The following LMF1 variants were observed in gnomAD, a reference collection of about 807,000 sequenced individuals.
LMF1 encodes the protein lipase maturation factor 1, also known as transmembrane protein 112.
LMF1 carries 68 observed loss-of-function variants against 60.6 expected under a neutral mutation model. That is an observed-to-expected ratio of 1.12 (90% CI 0.92 to 1.37). The LOEUF (loss-of-function observed/expected upper bound fraction) is 1.37. Among genes scored for constraint, LMF1 ranks in the 40% most tolerant of loss-of-function variants. LMF1 has a pLI of 0.00. For synonymous variants in LMF1, 418 were observed against 324.7 expected (o/e 1.29, Z -3.09); for missense variants, 948 against 767.2 (o/e 1.24, Z -2.78).
At chr16:858,842 TGTGAGTGGTGTCA>T (rs2069310328) in intron 10 of LMF1, among the ~76,000 whole-genome samples, 2 of 74,882 alleles carry the variant, frequency 2.7e-5, no homozygotes, top group Non-Finnish European at 2.4e-5. Context: ...ACGGGACGGG[TGTGAGTGGTGTCA>T]CGGGACGGGT....
In LMF1 at chr16:897,267, C is replaced by T. The variant is rs781655320; in HGVS notation, c.664-4195G>A. Among the ~76,000 whole-genome samples the T allele has an allele frequency of 1.3e-5, 2 of 152,208 alleles. No individual in the cohort carries two copies. The highest frequency in any genetic ancestry group is 1.9e-4 in the East Asian group (1 of 5,196). On this transcript the variant is annotated intron_variant, in intron 4 of 10. Transcript: ENST00000262301. This position sits in a 1 kb window ranked among gnomAD's most constrained non-coding sequence, Gnocchi z 4.3. ...AGAAGGAGACACTCTGTGGAGACCCCGCTTCTCTCACTTGGCCCCCAGAGG... is the reference window on the plus strand; with the variant it reads ...AGAAGGAGACACTCTGTGGAGACCCTGCTTCTCTCACTTGGCCCCCAGAGG...
In LMF1 at chr16:886,074, G is replaced by A. The variant is rs527662475; in HGVS notation, c.730-6337C>T. 2.3e-4 allele frequency among the ~76,000 whole-genome samples: 35 copies of A among 152,342 alleles called. 1 individual carries two copies. In the South Asian group the frequency reaches 6.4e-3, roughly 28 times the overall value. ...TCTGGAAAATCCCCGTCTCTTTGGA[G>A]CCTTTAAGGAACTTTCATTCCAGTG... On this transcript the variant is annotated intron_variant, in intron 5 of 10. Transcript: ENST00000262301.
chr16:973,484 C>T (rs980228156), upstream of LMF1, among the ~76,000 whole-genome samples: 2 of 152,180 alleles, frequency 1.3e-5, no homozygotes, highest in Non-Finnish European at 2.9e-5. Context: ...ATGAAATGTC[C>T]GGGGTGGGCA....
At chr16:898,464 A>G (rs536605822) in intron 4 of LMF1, among the ~76,000 whole-genome samples, 1 of 152,272 alleles carries the variant, frequency 6.6e-6, no homozygotes, top group Non-Finnish European at 1.5e-5. Flanking sequence ...GTCTGAAAAC[A>G]CCTGAACTGC....
intron 1 of LMF1, chr16:979,652 G>A (rs747870043): frequency 6.6e-6 from 3 of 454,088 alleles, no homozygotes; most frequent in South Asian, 4.7e-5. Flanking sequence ...CCAGGAAGAG[G>A]CCACCCTGCC....
chr16:870,002 C>CG lies in LMF1; in HGVS notation c.1296dup (p.Asp433ArgfsTer15). ...AACTCGTAGTCCTCCCACATGGCAT[C>CG]GGGGGCGCTGGCGTTGGAGCTGGCT... is the stretch of plus-strand genomic sequence containing the variant. On this transcript the variant is annotated frameshift_variant, in exon 9 of 11. Coordinates refer to ENST00000262301, the MANE Select transcript of LMF1 (RefSeq NM_022773.4). LOFTEE classifies it high-confidence loss of function. The CG allele has an allele frequency of 6.2e-7, 1 of 1,613,104 alleles. No homozygotes were observed. Among genetic ancestry groups the CG allele is most frequent in the South Asian group, 1.1e-5 (1 of 91,084 alleles).
chr16:915,053 G>A (rs1002157942), intron 3 of LMF1, among the ~76,000 whole-genome samples: 1 of 152,256 alleles, frequency 6.6e-6, no homozygotes, highest in African/African-American at 2.4e-5. Flanking sequence ...CTGAGGGCTT[G>A]TAGGGTTTTC....
intron 5 of LMF1, chr16:887,062 G>A (rs181802153): frequency 2.6e-5 from 4 of 152,116 alleles, no homozygotes; most frequent in Admixed American, 1.3e-4. Context: ...CTTCACGGGC[G>A]ACGCCAACCT....
intron 9 of LMF1, chr16:869,319 G>A (rs1007410251): frequency 4.5e-6 from 3 of 670,032 alleles, no homozygotes; most frequent in Non-Finnish European, 8.2e-6. Flanking sequence ...AGCACCCTCT[G>A]TCTGGGCCTT....
chr16:970,928 C>G lies in LMF1; in HGVS notation c.53G>C (p.Arg18Pro), dbSNP rs2073036593. 1 of 1,570,010 alleles carries G rather than the reference C, an allele frequency of 6.4e-7. No homozygotes were observed. The highest frequency in any genetic ancestry group is 8.7e-7 in the Non-Finnish European group (1 of 1,155,720). The change falls in exon 1 of 11, where the codon CGG becomes CCG. Residue 18 changes from arginine to proline, a missense_variant. Coordinates refer to ENST00000262301, the MANE Select transcript of LMF1 (RefSeq NM_022773.4). The stretch of plus-strand genomic sequence containing the variant: ...CTCCGGATCCGAGTACCCAGTCTTC[C>G]GCCTCCTCAGCGACTCCGCGGGCGC... Reference protein sequence around the residue: ...MAAPAESLRRRKTGYSDPEPE... With the variant: ...MAAPAESLRRPKTGYSDPEPE...
At chr16:876,694 G>T (rs1370218158) in intron 6 of LMF1, among the ~76,000 whole-genome samples, 2 of 150,868 alleles carry the variant, frequency 1.3e-5, no homozygotes, top group African/African-American at 4.9e-5. Flanking sequence ...AGGCAGGCTG[G>T]GTGGGCTGAG....
chr16:976,224 C>A (rs1459538946), intron 1 of LMF1: 4 of 446,538 alleles, frequency 9.0e-6, no homozygotes, highest in African/African-American at 4.0e-5. Flanking sequence ...CAGGGCCTCG[C>A]ATCCTACAAG....
Position 921,376 on chromosome 16 carries a change from G to GT in LMF1, c.515-10298_515-10297insA, listed in dbSNP as rs567056912. On this transcript the variant is annotated intron_variant, in intron 3 of 10. Transcript: ENST00000262301. ...CCAAGACCTCCTGGGTGGGCACACGGACCTGCGCTCCCTGCAGAGACGTGG... is the reference window on the plus strand; with the variant it reads ...CCAAGACCTCCTGGGTGGGCACACGGTACCTGCGCTCCCTGCAGAGACGTGG... Among the ~76,000 whole-genome samples, 9 of 152,240 alleles carry GT rather than the reference G, an allele frequency of 5.9e-5. No homozygotes were observed. The South Asian group carries it at 1.9e-3, about 31-fold the overall frequency.
rs1456068027 is a variant in LMF1, at chr16:970,294, G to A, written c.193+494C>T. ...CGCGGCAGGGATGTGGCGTGCGGGC[G>A]TCCAGTTACAGTGGGAACCTTCACC... On this transcript the variant is annotated intron_variant, in intron 1 of 10. Transcript: ENST00000262301. Among the ~76,000 whole-genome samples the A allele has an allele frequency of 2.6e-5, 4 of 152,114 alleles. No homozygotes were observed. The East Asian group carries it at 5.8e-4, about 22-fold the overall frequency.
intron 2 of LMF1, among the ~76,000 whole-genome samples, chr16:941,954 C>T (rs1449782847): frequency 9.9e-5 from 15 of 152,206 alleles, no homozygotes; most frequent in Admixed American, 9.8e-4. Context: ...AAATAGAGAA[C>T]ATTTCATATT....
chr16:958,615 G>A (rs1039027809), intron 1 of LMF1, among the ~76,000 whole-genome samples: 3 of 152,126 alleles, frequency 2.0e-5, no homozygotes, highest in Non-Finnish European at 2.9e-5. Flanking sequence ...GGCCGGGCGC[G>A]GTGGCTCATG....
At chr16:948,420 C>T (rs71382298) in intron 2 of LMF1, among the ~76,000 whole-genome samples, 67,909 of 139,646 alleles carry the variant, frequency 0.49, 18,608 homozygotes, top group African/African-American at 0.75. Context: ...TCAAAGCCAA[C>T]GACAGAGTCA....
intron 10 of LMF1, among the ~76,000 whole-genome samples, chr16:864,379 G>T (rs1461290317): frequency 6.6e-6 from 1 of 152,200 alleles, no homozygotes; most frequent in Non-Finnish European, 1.5e-5. Flanking sequence ...TACGCACTCG[G>T]TAGGAACCGC....
chr16:949,357 A>C (rs1411692302), intron 2 of LMF1, among the ~76,000 whole-genome samples: 6 of 150,176 alleles, frequency 4.0e-5, no homozygotes, highest in African/African-American at 1.2e-4. Flanking sequence ...AGAGTCAGAG[A>C]CAATGACAGA....
Sources: allele counts gnomAD v4.1 joint callset (sites outside exome capture counted in the v4.1 genomes callset), GRCh38; gene constraint gnomAD v4.1.1; non-coding constraint Gnocchi (gnomAD v3.1); transcripts MANE v1.5; gene names NCBI Gene and HGNC (gene_info 2026-07-23, HGNC 2026-07-21).